CEBPZ: variants seen among roughly 807,000 people sequenced by gnomAD.
The protein encoded by CEBPZ is CCAAT/enhancer-binding protein zeta.
Under a neutral mutation model 104.5 loss-of-function variants are expected in CEBPZ, and 78 were observed. That is an observed-to-expected ratio of 0.75 (90% CI 0.62 to 0.90). The LOEUF (loss-of-function observed/expected upper bound fraction) is 0.90. Ranked by LOEUF, CEBPZ falls within the 40% of genes least tolerant of loss-of-function variation. The pLI, the probability that CEBPZ is intolerant of heterozygous loss-of-function variation, is 0.00. For missense variants in CEBPZ, 1,439 were observed against 1,233.5 expected (o/e 1.17, Z -2.50); for synonymous variants, 470 against 427.0 (o/e 1.10, Z -1.24).
chr2:37,206,102 G>A (rs189203709), intron 13 of CEBPZ, among the ~76,000 whole-genome samples: 3 of 152,288 alleles, frequency 2.0e-5, no homozygotes, highest in African/African-American at 7.2e-5. Context: ...AATCTGCTGG[G>A]GCCCTGGAGA....
chr2:37,231,324 C>T (rs762091806), intron 1 of CEBPZ, 88 bp downstream of exon 1: 24 of 1,573,390 alleles, frequency 1.5e-5, no homozygotes, highest in Admixed American at 1.5e-4. Context: ...CCGCGCTCTA[C>T]GCAGCGCGGA....
At chr2:37,206,818 CAAATACTACGTT>C (rs1456063401) in intron 13 of CEBPZ, among the ~76,000 whole-genome samples, 1 of 152,176 alleles carries the variant, frequency 6.6e-6, no homozygotes, top group East Asian at 1.9e-4. Flanking sequence ...CCTCACATCT[CAAATACTACGTT>C]GGATGTAAAT....
intron 2 of CEBPZ, 41 bp downstream of exon 2, chr2:37,227,503 G>A: frequency 5.2e-6 from 8 of 1,543,192 alleles, no homozygotes; most frequent in Non-Finnish European, 7.0e-6. Context: ...ACTACATCAA[G>A]TTATTATTTC....
Position 37,228,832 on chromosome 2 carries a change from G to A in CEBPZ, c.361C>T (p.Pro121Ser). The A allele has an allele frequency of 6.3e-7, 1 of 1,599,768 alleles. No individual in the cohort carries two copies. The highest frequency in any genetic ancestry group is 8.5e-7 in the Non-Finnish European group (1 of 1,175,234). Reference sequence around the variant, plus strand: ...GCTGTATTTTTATTATTTATTTTAGGTATTTTTACTTCTTTTTTGCTGGAA... The same window carrying A: ...GCTGTATTTTTATTATTTATTTTAGATATTTTTACTTCTTTTTTGCTGGAA... ...ENSSKKEVKI[P>S]KINNKNTAES... Residue 121 changes from proline to serine, a missense_variant, in exon 2 of 16, where the codon CCT (proline) becomes TCT (serine). Transcript: ENST00000234170.
chr2:37,228,835 T>A lies in CEBPZ; in HGVS notation c.358A>T (p.Ile120Leu). The change falls in exon 2 of 16, where the codon ATA (isoleucine) becomes TTA (leucine). Residue 120 changes from isoleucine (I) to leucine (L), a missense_variant. Transcript: ENST00000234170. The part of the protein sequence containing the change: ...KENSSKKEVK[I>L]PKINNKNTAE... ...GTATTTTTATTATTTATTTTAGGTATTTTTACTTCTTTTTTGCTGGAATTT... is the reference window on the plus strand; with the variant it reads ...GTATTTTTATTATTTATTTTAGGTAATTTTACTTCTTTTTTGCTGGAATTT... 1 of 1,601,262 alleles carries A rather than the reference T, an allele frequency of 6.2e-7. No homozygotes were observed. Among genetic ancestry groups the A allele is most frequent in the Non-Finnish European group, 8.5e-7 (1 of 1,176,134 alleles).
Position 37,216,179 on chromosome 2 carries a change from T to C in CEBPZ, c.2341A>G (p.Lys781Glu), listed in dbSNP as rs776687864. Residue 781 changes from lysine to glutamate, a missense_variant, in exon 8 of 16, where the codon AAA becomes GAA. Transcript: ENST00000234170. Reference sequence around the variant, plus strand: ...ATATCCTTAATAAAATGTTTTCTTTTCGGCTGCATCACAACACTATCTGTG... The same window carrying C: ...ATATCCTTAATAAAATGTTTTCTTTCCGGCTGCATCACAACACTATCTGTG... ...ENTDSVVMQP[K>E]RKHFIKDIRH... 1 of 1,613,432 alleles carries C rather than the reference T, an allele frequency of 6.2e-7. No homozygotes were observed. The highest frequency in any genetic ancestry group is 1.1e-5 in the South Asian group (1 of 90,996).
Position 37,216,178 on chromosome 2 carries a change from T to C in CEBPZ, c.2342A>G (p.Lys781Arg), listed in dbSNP as rs768971993. ...ENTDSVVMQP[K>R]RKHFIKDIRH... Reference sequence around the variant, plus strand: ...AATATCCTTAATAAAATGTTTTCTTTTCGGCTGCATCACAACACTATCTGT... The same window carrying C: ...AATATCCTTAATAAAATGTTTTCTTCTCGGCTGCATCACAACACTATCTGT... Residue 781 changes from lysine (K) to arginine (R), a missense_variant, in exon 8 of 16, where the codon AAA (lysine) becomes AGA (arginine). Coordinates refer to ENST00000234170, the MANE Select transcript of CEBPZ (RefSeq NM_005760.3). 8 of 1,613,294 alleles carry C rather than the reference T, an allele frequency of 5.0e-6. No individual in the cohort carries two copies. Among genetic ancestry groups the C allele is most frequent in the Non-Finnish European group, 6.8e-6 (8 of 1,179,704 alleles).
intron 13 of CEBPZ, 112 bp downstream of exon 13, chr2:37,210,887 C>A: frequency 1.8e-6 from 1 of 552,676 alleles, no homozygotes; most frequent in Non-Finnish European, 2.9e-6. Context: ...AAAAGAACCC[C>A]CCCCACCCCT....
chr2:37,211,154 G>A, intron 12 of CEBPZ, 72 bp from the exon 13 acceptor site: 5 of 1,007,776 alleles, frequency 5.0e-6, no homozygotes, highest in Non-Finnish European at 7.5e-6. Context: ...TCCAAGATAT[G>A]CTAAAATCTT....
intron 1 of CEBPZ, among the ~76,000 whole-genome samples, chr2:37,230,832 T>C (rs1368650004): frequency 6.6e-6 from 1 of 152,230 alleles, no homozygotes; most frequent in Non-Finnish European, 1.5e-5. Flanking sequence ...CCTTTAGGAT[T>C]CTGCTCAAAC....
At position 37,231,530 on chromosome 2, in the gene CEBPZ, T is replaced by C. The variant is rs1433184281; in HGVS notation, c.38A>G (p.Lys13Arg). The C allele has an allele frequency of 6.2e-7, 1 of 1,614,106 alleles. No individual in the cohort carries two copies. The highest frequency in any genetic ancestry group is 8.5e-7 in the Non-Finnish European group (1 of 1,180,034). The change falls in exon 1 of 16, where the codon AAG becomes AGG. Residue 13 changes from lysine (K) to arginine (R), a missense_variant. Transcript: ENST00000234170. ...AVKEPLEFHA[K>R]RPWRPEEAVE... Reference sequence around the variant, plus strand: ...TGCCTCCTCGGGGCGCCAAGGCCGCTTGGCATGGAACTCCAAAGGCTCCTT... The same window carrying C: ...TGCCTCCTCGGGGCGCCAAGGCCGCCTGGCATGGAACTCCAAAGGCTCCTT...
chr2:37,224,658 GAGA>G (rs1282372866), intron 2 of CEBPZ, among the ~76,000 whole-genome samples: 1 of 152,114 alleles, frequency 6.6e-6, no homozygotes, highest in Non-Finnish European at 1.5e-5. Context: ...AGAAACATCT[GAGA>G]AGAATTTAGA....
intron 13 of CEBPZ, among the ~76,000 whole-genome samples, chr2:37,206,821 A>G (rs2148340450): frequency 6.6e-6 from 1 of 152,320 alleles, no homozygotes; most frequent in East Asian, 1.9e-4. Flanking sequence ...CACATCTCAA[A>G]TACTACGTTG....
At chr2:37,218,807 G>C (rs1426170009) in intron 5 of CEBPZ, among the ~76,000 whole-genome samples, 2 of 152,164 alleles carry the variant, frequency 1.3e-5, no homozygotes, top group East Asian at 3.8e-4. Flanking sequence ...AGGAGGTAGA[G>C]GTTGCAGTGA....
At position 37,211,023 on chromosome 2, in the gene CEBPZ, A is replaced by T. The variant is rs1452625750; in HGVS notation, c.2860T>A (p.Phe954Ile). The change falls in exon 13 of 16, where the codon TTT becomes ATT. Residue 954 changes from phenylalanine to isoleucine, a missense_variant. Physicochemically the swap from Phe to Ile is conservative, Grantham distance 21 (BLOSUM62 0). Coordinates refer to ENST00000234170, the MANE Select transcript of CEBPZ (RefSeq NM_005760.3). ...KKSKRKGTDDFDFAGSFQGPR... is the reference protein window; with the variant it reads ...KKSKRKGTDDIDFAGSFQGPR... ...CCTTGAAATGAGCCAGCAAAGTCAA[A>T]ATCATCTGTACCTTTTCTCTTGCTT... 4 of 1,611,196 alleles carry T rather than the reference A, an allele frequency of 2.5e-6. No individual in the cohort carries two copies. Among genetic ancestry groups the T allele is most frequent in the Non-Finnish European group, 3.4e-6 (4 of 1,178,722 alleles).
At chr2:37,210,234 T>G (rs1187447733) in intron 13 of CEBPZ, 1 of 152,188 alleles carries the variant, frequency 6.6e-6, no homozygotes, top group Non-Finnish European at 1.5e-5. Flanking sequence ...CTTAAAGAAC[T>G]GAAAGTAGAA....
intron 2 of CEBPZ, among the ~76,000 whole-genome samples, chr2:37,225,848 T>C (rs1231596591): frequency 2.6e-5 from 2 of 77,894 alleles, no homozygotes; most frequent in Admixed American, 2.9e-4. Context: ...AATGTCTCGG[T>C]ATAAAACCCG....
At chr2:37,207,991 C>G (rs1206279669) in intron 13 of CEBPZ, among the ~76,000 whole-genome samples, 1 of 152,000 alleles carries the variant, frequency 6.6e-6, no homozygotes, top group African/African-American at 2.4e-5. Flanking sequence ...CACAGAAATA[C>G]AAAAGATCAT....
Position 37,220,443 on chromosome 2 carries a change from A to G in CEBPZ, c.2096T>C (p.Phe699Ser). ...TCCACAGAACAGAGGGTTTCTACTGAATGGATCGTATTTATTTAACTGTTT... is the reference window on the plus strand; with the variant it reads ...TCCACAGAACAGAGGGTTTCTACTGGATGGATCGTATTTATTTAACTGTTT... ...GGKQLNKYDP[F>S]SRNPLFCGAE... The change falls in exon 5 of 16, where the codon TTC (phenylalanine) becomes TCC (serine). Residue 699 changes from phenylalanine (F) to serine (S), a missense_variant. Phe to Ser is a radical substitution (Grantham distance 155). Transcript: ENST00000234170. 2 of 1,600,312 alleles carry G rather than the reference A, an allele frequency of 1.2e-6. No individual in the cohort carries two copies. Among genetic ancestry groups the G allele is most frequent in the Non-Finnish European group, 1.7e-6 (2 of 1,171,298 alleles).
Sources: gnomAD v4.1 joint callset for allele counts (sites outside exome capture counted in the v4.1 genomes callset) on GRCh38, gnomAD v4.1.1 for gene constraint, MANE v1.5 for transcripts, NCBI Gene and HGNC (gene_info 2026-07-23, HGNC 2026-07-21) for gene names.